The following KIFAP3 variants were observed in gnomAD, a reference collection of about 807,000 sequenced individuals.
The protein encoded by KIFAP3 is kinesin-associated protein 3.
Under a neutral mutation model 106.5 loss-of-function variants are expected in KIFAP3, and 68 were observed. The ratio of observed to expected loss-of-function variants is 0.64; its 90% confidence interval spans 0.53 to 0.78. The LOEUF (loss-of-function observed/expected upper bound fraction) is 0.78, where lower values mean the gene tolerates loss of function less well. Among genes scored for constraint, KIFAP3 ranks in the 30% least tolerant of loss-of-function variants. The probability of loss-of-function intolerance (pLI) is 0.00; values close to 1 mark genes in which losing one functional copy is unlikely to be tolerated. For synonymous variants in KIFAP3, 320 were observed against 311.5 expected, an observed-to-expected ratio of 1.03 and a Z score of -0.29; for missense variants, 780 against 941.8, an observed-to-expected ratio of 0.83 and a Z score of 2.25.
At chr1:169,978,353 C>CACTTGTTT (rs1029437922) in intron 15 of KIFAP3, among the ~76,000 whole-genome samples, 170 bp from the exon 16 acceptor site, 2 of 151,818 alleles carry the variant, frequency 1.3e-5, no homozygotes, top group Non-Finnish European at 2.9e-5. Flanking sequence ...CAGTTATCAC[C>CACTTGTTT]ACTTGTTTTA....
chr1:170,044,810 G>C (rs2102079768), intron 3 of KIFAP3, among the ~76,000 whole-genome samples: 1 of 152,248 alleles, frequency 6.6e-6, no homozygotes, highest in East Asian at 1.9e-4. Context: ...AGAGCTGCCT[G>C]GTTTATGAAT....
rs201017673 is a variant in KIFAP3, at chr1:170,029,524, T to A, written c.841+2362A>T. Reference sequence around the variant, plus strand: ...AAAGAAGTGCTTAATGGGAAATTTATAGCACTAAATATCTGTATTTGAGAA... The same window carrying A: ...AAAGAAGTGCTTAATGGGAAATTTAAAGCACTAAATATCTGTATTTGAGAA... On this transcript the variant is annotated intron_variant, in intron 8 of 19. Transcript: ENST00000361580. Among the ~76,000 whole-genome samples, 4 of 152,118 alleles carry A rather than the reference T, an allele frequency of 2.6e-5. No homozygotes were observed. The East Asian group carries it at 7.7e-4, about 29-fold the overall frequency.
intron 10 of KIFAP3, among the ~76,000 whole-genome samples, chr1:170,007,798 C>T (rs543068985): frequency 5.3e-5 from 8 of 152,126 alleles, no homozygotes; most frequent in African/African-American, 1.4e-4. Context: ...CAAAAAAGAG[C>T]CCATATAGCC....
At position 169,982,108 on chromosome 1, in the gene KIFAP3, C is replaced by G. The variant is rs777912406; in HGVS notation, c.1673-11G>C. ...CATCTTCTGCAGCACCTAGTGAAGT[C>G]AAACCATAGAAAGTTTTCACTGAAA... On this transcript the variant is annotated splice_polypyrimidine_tract_variant and intron_variant, in intron 14 of 19. Coordinates refer to ENST00000361580, the MANE Select transcript of KIFAP3 (RefSeq NM_014970.4). The G allele has an allele frequency of 2.5e-6, 4 of 1,610,244 alleles. No individual in the cohort carries two copies.
intron 19 of KIFAP3, among the ~76,000 whole-genome samples, chr1:169,929,270 T>C: frequency 6.6e-6 from 1 of 152,170 alleles, no homozygotes; most frequent in East Asian, 1.9e-4. Context: ...TACAGCTAAA[T>C]AGAAATACCT....
chr1:170,034,248 T>C (rs1416527875), intron 7 of KIFAP3, 124 bp downstream of exon 7: 3 of 824,294 alleles, frequency 3.6e-6, no homozygotes, highest in South Asian at 3.3e-5. Flanking sequence ...AACACACTCC[T>C]GCATTGTTTC....
rs986579073 is a variant in KIFAP3 at position 169,983,236 on chromosome 1, G to C, written c.1506+34C>G. On this transcript the variant is annotated intron_variant, in intron 13 of 19. Coordinates refer to ENST00000361580, the MANE Select transcript of KIFAP3 (RefSeq NM_014970.4). ...CCAAATGTAGCAATTTCAATTCCCA[G>C]TCTATTTGAATAGAAAGCCAAAATG... The C allele has an allele frequency of 4.1e-6, 5 of 1,206,640 alleles. No individual in the cohort carries two copies. The African/African-American group carries it at 4.6e-5, about 11-fold the overall frequency. The allele number at this position is 1,206,640 out of a possible 1,614,324, so 74.7% of individuals were successfully genotyped here.
intron 16 of KIFAP3, among the ~76,000 whole-genome samples, chr1:169,973,100 AGT>A (rs199766640): frequency 6.7e-5 from 1 of 14,856 alleles, no homozygotes; most frequent in Non-Finnish European, 1.1e-4. Flanking sequence ...TTTAAAAAAT[AGT>A]GTGTATATAT....
At chr1:170,063,836 T>C (rs1273301028) in intron 1 of KIFAP3, among the ~76,000 whole-genome samples, 2 of 152,216 alleles carry the variant, frequency 1.3e-5, no homozygotes, top group African/African-American at 4.8e-5. Context: ...TTCAGTAAAA[T>C]ACCTTTTGGG....
intron 1 of KIFAP3, among the ~76,000 whole-genome samples, chr1:170,081,353 C>T (rs942848587): frequency 2.0e-5 from 3 of 152,162 alleles, no homozygotes; most frequent in Non-Finnish European, 4.4e-5. Context: ...CTATTATACA[C>T]CTATATTAGT....
rs748013213 is a variant in KIFAP3, at chr1:170,038,383, A to G, written c.424T>C (p.Leu142=). The change falls in exon 5 of 20, where the codon TTA becomes CTA. Residue 142 remains leucine, a synonymous_variant. Coordinates refer to ENST00000361580, the MANE Select transcript of KIFAP3 (RefSeq NM_014970.4). ...INDMDEYIEL[L]YEDIPDKVRG... is the part of the protein sequence containing the mutation. ...ACTTTGTCAGGAATATCTTCATATAATAACTCAATATATTCATCCATGTCA... is the reference window on the plus strand; with the variant it reads ...ACTTTGTCAGGAATATCTTCATATAGTAACTCAATATATTCATCCATGTCA... 13 of 1,606,512 alleles carry G rather than the reference A, an allele frequency of 8.1e-6. No homozygotes were observed. The highest frequency in any genetic ancestry group is 1.1e-5 in the Non-Finnish European group (13 of 1,177,400).
At chr1:169,985,694 T>C (rs1397465668) in intron 11 of KIFAP3, among the ~76,000 whole-genome samples, 1 of 151,856 alleles carries the variant, frequency 6.6e-6, no homozygotes, top group Non-Finnish European at 1.5e-5. Context: ...GGAACTGGCA[T>C]ATATGGTTGA....
intron 19 of KIFAP3, among the ~76,000 whole-genome samples, chr1:169,950,028 T>A (rs965650626): frequency 6.6e-6 from 1 of 152,160 alleles, no homozygotes; most frequent in Non-Finnish European, 1.5e-5. Context: ...ACCCCCTGAC[T>A]TGGATTTTAA....
chr1:170,065,689 G>T (rs1671409559), intron 1 of KIFAP3, among the ~76,000 whole-genome samples: 1 of 149,524 alleles, frequency 6.7e-6, no homozygotes, highest in African/African-American at 2.5e-5. Flanking sequence ...AACCTATGCT[G>T]TCTGATACAA....
intron 17 of KIFAP3, among the ~76,000 whole-genome samples, chr1:169,971,420 G>A (rs1665912729): frequency 6.6e-6 from 1 of 152,056 alleles, no homozygotes; most frequent in African/African-American, 2.4e-5. Flanking sequence ...TGACCTATGT[G>A]TGAAATGTCT....
chr1:170,083,242 C>T (rs1012374992), intron 1 of KIFAP3, among the ~76,000 whole-genome samples: 1 of 152,182 alleles, frequency 6.6e-6, no homozygotes, highest in Non-Finnish European at 1.5e-5. Context: ...AAATTCATTA[C>T]TGAAATTAGA....
chr1:169,988,149 T>C (rs991518720), intron 11 of KIFAP3, among the ~76,000 whole-genome samples: 3 of 152,066 alleles, frequency 2.0e-5, no homozygotes, highest in Admixed American at 6.6e-5. Flanking sequence ...ATGTTGTATA[T>C]ATAATCACCC....
chr1:169,964,962 A>C (rs1330767449), intron 17 of KIFAP3, among the ~76,000 whole-genome samples: 1 of 152,182 alleles, frequency 6.6e-6, no homozygotes, highest in Admixed American at 6.6e-5. Context: ...ACAAAGAGTG[A>C]TCACATAATC....
At chr1:169,941,317 T>C (rs933237660) in intron 19 of KIFAP3, among the ~76,000 whole-genome samples, 1 of 152,188 alleles carries the variant, frequency 6.6e-6, no homozygotes, top group South Asian at 2.1e-4. Context: ...TCCTCTTGTA[T>C]TGGGGTAACT....
Sources: allele counts gnomAD v4.1 joint callset (sites outside exome capture counted in the v4.1 genomes callset), GRCh38; gene constraint gnomAD v4.1.1; transcripts MANE v1.5; gene names NCBI Gene and HGNC (gene_info 2026-07-23, HGNC 2026-07-21).